ZNF141: variants seen among roughly 807,000 people sequenced by gnomAD.
The protein encoded by ZNF141 is zinc finger protein 141, also known as zinc finger protein 141 (clone pHZ-44).
A neutral mutation model predicts 11.3 loss-of-function variants in ZNF141; 7 were observed. That is an observed-to-expected ratio of 0.62 (90% CI 0.35 to 1.16). The LOEUF is 1.16. Ranked by LOEUF, ZNF141 falls within the 50% of genes most tolerant of loss-of-function variation. The probability of loss-of-function intolerance (pLI) is 0.02; values close to 1 mark genes in which losing one functional copy is unlikely to be tolerated. For synonymous variants in ZNF141, 183 were observed against 190.7 expected (o/e 0.96, Z 0.33); for missense variants, 535 against 554.0 (o/e 0.97, Z 0.34).
chr4:346,893 A>ACACAC (rs373224939), intron 3 of ZNF141, among the ~76,000 whole-genome samples: 4,391 of 135,310 alleles, frequency 0.032, 186 homozygotes, highest in East Asian at 0.11. Flanking sequence ...ACACACACAC[A>ACACAC]CCGCCCCCCC....
intron 3 of ZNF141, among the ~76,000 whole-genome samples, chr4:360,330 A>G (rs1299148531): frequency 6.6e-6 from 1 of 152,252 alleles, no homozygotes; most frequent in African/African-American, 2.4e-5. Context: ...ACTCAGATTT[A>G]CACATTGTGT....
rs1560176121 is a variant in ZNF141, at chr4:337,996, CG to C, written c.3+14del. The C allele has an allele frequency of 6.2e-7, 1 of 1,612,796 alleles. No individual in the cohort carries two copies. The highest frequency in any genetic ancestry group is 2.2e-5 in the East Asian group (1 of 44,806). ...CAGAAGTGGGGAAATGGTGAGTGTG[CG>C]GGGCAGGGCGTCCCAAGGCTGAGGA... On this transcript the variant is annotated intron_variant, in intron 1 of 3. Transcript: ENST00000240499.
chr4:338,120 T>C, intron 1 of ZNF141, 134 bp downstream of exon 1: 1 of 1,215,734 alleles, frequency 8.2e-7, no homozygotes, highest in East Asian at 2.5e-5. Flanking sequence ...TACCCTCCGG[T>C]GAGGGACCTG....
chr4:348,296 A>C (rs527806675), intron 3 of ZNF141, among the ~76,000 whole-genome samples: 1 of 152,148 alleles, frequency 6.6e-6, no homozygotes, highest in South Asian at 2.1e-4. Context: ...TGTGCTGTTG[A>C]TGTCATTTCA....
chr4:371,134 A>AT (rs535876094), intron 3 of ZNF141, among the ~76,000 whole-genome samples: 1 of 148,100 alleles, frequency 6.8e-6, no homozygotes, highest in Non-Finnish European at 1.5e-5. Context: ...ATATATATAT[A>AT]TTTTAATTAT....
At chr4:338,034 A>G in intron 1 of ZNF141, 48 bp downstream of exon 1, 3 of 1,611,334 alleles carry the variant, frequency 1.9e-6, no homozygotes, top group Non-Finnish European at 2.5e-6. Context: ...GTCTCATCGG[A>G]GCTGGCGGGA....
chr4:339,127 G>A (rs1389059187), intron 1 of ZNF141, among the ~76,000 whole-genome samples: 3 of 152,222 alleles, frequency 2.0e-5, no homozygotes, highest in Non-Finnish European at 4.4e-5. Context: ...CCCAGGACAG[G>A]GTTCTACCCT....
intron 3 of ZNF141, chr4:358,296 T>G (rs138310776): frequency 2.7e-6 from 1 of 364,234 alleles, no homozygotes; most frequent in East Asian, 1.1e-4. Context: ...CAAGTGATTC[T>G]CCTGCCTCCG....
rs1221617789 is a variant in ZNF141, at chr4:379,214, CT to C, written c.*5354del. ...GCCAATTTTGGGACCTTTAGCATCACTTGCCCTTTTAGTGTCTTACATATGT... is the reference window on the plus strand; with the variant it reads ...GCCAATTTTGGGACCTTTAGCATCACTGCCCTTTTAGTGTCTTACATATGT... On this transcript the variant is annotated 3_prime_UTR_variant, in exon 4 of 4. Coordinates refer to ENST00000240499, the MANE Select transcript of ZNF141 (RefSeq NM_003441.4). 6.6e-6 allele frequency among the ~76,000 whole-genome samples: 1 copy of C among 152,042 alleles called. No homozygotes were observed. The highest frequency in any genetic ancestry group is 1.5e-5 in the Non-Finnish European group (1 of 68,004).
intron 1 of ZNF141, among the ~76,000 whole-genome samples, chr4:341,805 C>T (rs1250260650): frequency 6.6e-6 from 1 of 152,098 alleles, no homozygotes; most frequent in African/African-American, 2.4e-5. Flanking sequence ...AGAGCTGGTG[C>T]CCACAATTTT....
At chr4:365,622 C>T (rs1711706276) in intron 3 of ZNF141, among the ~76,000 whole-genome samples, 1 of 152,168 alleles carries the variant, frequency 6.6e-6, no homozygotes, top group Non-Finnish European at 1.5e-5. Context: ...GTTTTCTTTG[C>T]TGTGCAAAAC....
chr4:348,882 CACA>C lies in ZNF141; in HGVS notation c.226+4453_226+4455del, dbSNP rs757739242. 4.4e-3 allele frequency among the ~76,000 whole-genome samples: 668 copies of C among 152,194 alleles called. 7 individuals carry two copies. The highest frequency in any genetic ancestry group is 7.1e-3 in the Non-Finnish European group (481 of 68,020). On this transcript the variant is annotated intron_variant, in intron 3 of 3. Coordinates refer to ENST00000240499, the MANE Select transcript of ZNF141 (RefSeq NM_003441.4). ...ATGCCAATAAAATTTTGATAGGGAT[CACA>C]TTGAATCTATAGATCACTTTGGATA... is the stretch of plus-strand genomic sequence containing the variant.
intron 3 of ZNF141, among the ~76,000 whole-genome samples, chr4:353,467 T>TA (rs1553850794): frequency 3.7e-5 from 4 of 108,034 alleles, no homozygotes; most frequent in South Asian, 2.8e-4. Context: ...ATTATTATTA[T>TA]TTTTTTTTTT....
At chr4:344,044 C>A in intron 2 of ZNF141, 136 bp downstream of exon 2, 2 of 1,265,556 alleles carry the variant, frequency 1.6e-6, no homozygotes, top group East Asian at 2.5e-5. Flanking sequence ...TTGAGTCCTT[C>A]ACTCTAGGTT....
intron 1 of ZNF141, among the ~76,000 whole-genome samples, chr4:339,484 T>C (rs532717105): frequency 7.6e-6 from 1 of 131,224 alleles, no homozygotes; most frequent in East Asian, 2.1e-4. Context: ...GCATCCCTCA[T>C]GTGCTACAAG....
chr4:371,439 C>T (rs552457701), intron 3 of ZNF141, among the ~76,000 whole-genome samples: 1 of 151,978 alleles, frequency 6.6e-6, no homozygotes, highest in African/African-American at 2.4e-5. Context: ...ACCATTTGGG[C>T]CAGGATGTTT....
In ZNF141 at chr4:380,279, T is replaced by C. The variant is rs922917578; in HGVS notation, c.*6417T>C. On this transcript the variant is annotated 3_prime_UTR_variant, in exon 4 of 4. Transcript: ENST00000240499. ...GAAGATATTTCTGTATTAAAGCATG[T>C]ATTGGAATTCCGTATATACATGTTT... 2.6e-5 allele frequency among the ~76,000 whole-genome samples: 4 copies of C among 152,242 alleles called. No individual in the cohort carries two copies. In the East Asian group the frequency reaches 5.8e-4, roughly 22 times the overall value.
chr4:353,177 A>G (rs1190198250), intron 3 of ZNF141, among the ~76,000 whole-genome samples: 5 of 152,180 alleles, frequency 3.3e-5, no homozygotes, highest in African/African-American at 1.2e-4. Flanking sequence ...ATTCAGCACC[A>G]GCCTGGGCAA....
chr4:380,636 G>C lies in ZNF141; in HGVS notation c.*6774G>C, dbSNP rs1269732296. Among the ~76,000 whole-genome samples, 4 of 137,982 alleles carry C rather than the reference G, an allele frequency of 2.9e-5. No homozygotes were observed. Among genetic ancestry groups the C allele is most frequent in the Non-Finnish European group, 5.9e-5 (4 of 67,556 alleles). 90.5% of individuals were successfully genotyped at this position (137,982 alleles called of 152,430 possible). ...CATTGCACTCCAGCCTGGGTGACAA[G>C]AGCAAAACTCCATCCCCCCTGCCCA... On this transcript the variant is annotated 3_prime_UTR_variant, in exon 4 of 4. Coordinates refer to ENST00000240499, the MANE Select transcript of ZNF141 (RefSeq NM_003441.4).
Sources: gnomAD v4.1 joint callset for allele counts (sites outside exome capture counted in the v4.1 genomes callset) on GRCh38, gnomAD v4.1.1 for gene constraint, MANE v1.5 for transcripts, NCBI Gene and HGNC (gene_info 2026-07-23, HGNC 2026-07-21) for gene names.